Variants in GIGYF2 observed in about 807,000 individuals in gnomAD.
GIGYF2 encodes the protein GRB10 interacting GYF protein 2, also known as GRB10-interacting GYF protein 2.
In GIGYF2, 25 loss-of-function variants were observed where a neutral mutation model predicts 208.1. The ratio of observed to expected loss-of-function variants is 0.12; its 90% CI spans 0.09 to 0.17. The LOEUF (loss-of-function observed/expected upper bound fraction) is 0.17. Among genes scored for constraint, GIGYF2 ranks in the 10% least tolerant of loss-of-function variants. The probability of loss-of-function intolerance (pLI) is 1.00; values close to 1 mark genes in which losing one functional copy is unlikely to be tolerated. For missense variants in GIGYF2, 1,302 were observed against 1,579.4 expected (o/e 0.82, Z 2.98); for synonymous variants, 534 against 543.8 (o/e 0.98, Z 0.25).
intron 1 of GIGYF2, among the ~76,000 whole-genome samples, chr2:232,698,631 G>A (rs1482217467): frequency 6.6e-6 from 1 of 152,204 alleles, no homozygotes; most frequent in Non-Finnish European, 1.5e-5. Context: ...ACTAGTTGGT[G>A]TAGCAGTTTC....
rs775636461 is a variant in GIGYF2, at chr2:232,839,929, C to T, written c.2847C>T (p.Ile949=). ...AGGCCACGCTGTCGTTGGCTGAAAT[C>T]CAAAAACTAGAGGAAGAACGAGAAC... The part of the protein sequence containing the change: ...QSQATLSLAE[I]QKLEEERERQ... Residue 949 remains isoleucine, a synonymous_variant, in exon 23 of 29, where the codon ATC becomes ATT. Coordinates refer to ENST00000373563, the MANE Select transcript of GIGYF2 (RefSeq NM_001103146.3). 2 of 1,613,938 alleles carry T rather than the reference C, an allele frequency of 1.2e-6. No individual in the cohort carries two copies. Among genetic ancestry groups the T allele is most frequent in the East Asian group, 4.5e-5 (2 of 44,878 alleles).
chr2:232,748,592 T>A (rs1043290757), intron 4 of GIGYF2, among the ~76,000 whole-genome samples: 9 of 152,196 alleles, frequency 5.9e-5, no homozygotes, highest in African/African-American at 1.9e-4. Context: ...ACCTCCAGTA[T>A]ACTTTGTTTT....
intron 8 of GIGYF2, among the ~76,000 whole-genome samples, chr2:232,772,869 C>G (rs1270423718): frequency 6.6e-6 from 1 of 152,136 alleles, no homozygotes; most frequent in Non-Finnish European, 1.5e-5. Flanking sequence ...TTCCTAGTTC[C>G]TATATCTCGG....
chr2:232,763,560 C>T (rs113445218), intron 8 of GIGYF2, among the ~76,000 whole-genome samples: 90 of 152,144 alleles, frequency 5.9e-4, no homozygotes, highest in African/African-American at 1.9e-3. Context: ...CACAGTGGCT[C>T]GCACCTGTAA....
intron 26 of GIGYF2, among the ~76,000 whole-genome samples, chr2:232,846,248 G>T (rs1487366441): frequency 6.6e-6 from 1 of 152,212 alleles, no homozygotes. Context: ...CTGGACAAGT[G>T]ATGGCTGAAG....
At chr2:232,807,240 GCCGGGC>G (rs1700587550) in intron 15 of GIGYF2, among the ~76,000 whole-genome samples, 1 of 152,156 alleles carries the variant, frequency 6.6e-6, no homozygotes. Flanking sequence ...TGGAACCATG[GCCGGGC>G]ACATTGGCTC....
At chr2:232,774,118 AAAG>A (rs1699406600) in intron 8 of GIGYF2, among the ~76,000 whole-genome samples, 1 of 151,448 alleles carries the variant, frequency 6.6e-6, no homozygotes, top group South Asian at 2.1e-4. Flanking sequence ...CCTGTCTCTA[AAAG>A]AAAAAAAAAA....
intron 5 of GIGYF2, among the ~76,000 whole-genome samples, chr2:232,750,604 A>G (rs1181017331): frequency 6.6e-6 from 1 of 152,218 alleles, no homozygotes; most frequent in African/African-American, 2.4e-5. Context: ...TGCCTGTAGC[A>G]GTAAACAGTT....
chr2:232,822,258 A>G (rs949139486), intron 21 of GIGYF2, among the ~76,000 whole-genome samples: 18 of 152,240 alleles, frequency 1.2e-4, no homozygotes, highest in Non-Finnish European at 2.9e-5. Context: ...TGAACATGGT[A>G]TAACTTTCCA....
At chr2:232,714,141 C>T (rs1483553651) in intron 2 of GIGYF2, among the ~76,000 whole-genome samples, 2 of 151,958 alleles carry the variant, frequency 1.3e-5, no homozygotes, top group Non-Finnish European at 2.9e-5. Context: ...TTAGTAGAGA[C>T]AGGGTTTCAC....
At chr2:232,804,890 A>T (rs1700512825) in intron 14 of GIGYF2, among the ~76,000 whole-genome samples, 1 of 150,002 alleles carries the variant, frequency 6.7e-6, no homozygotes, top group Admixed American at 6.6e-5. Context: ...TGGGTTTCTA[A>T]GTATTTGGAA....
At chr2:232,750,484 T>C (rs976352629) in intron 5 of GIGYF2, among the ~76,000 whole-genome samples, 1 of 152,356 alleles carries the variant, frequency 6.6e-6, no homozygotes, top group Middle Eastern at 3.4e-3. Context: ...ATTTTCCGCC[T>C]TTTAATACAA....
At chr2:232,759,508 G>A (rs139819853) in intron 6 of GIGYF2, among the ~76,000 whole-genome samples, 7 of 152,232 alleles carry the variant, frequency 4.6e-5, no homozygotes, top group South Asian at 2.1e-4. Flanking sequence ...CCCTAACGGT[G>A]CAGCTATATC....
chr2:232,860,154 A>T lies in GIGYF2; in HGVS notation c.*3294A>T, dbSNP rs1212388338. Reference sequence around the variant, plus strand: ...CTTTATTTTCATTGGCTTTAAGTTGAGGGTTTTTGTTTTTGTTTTTGTATT... The same window carrying T: ...CTTTATTTTCATTGGCTTTAAGTTGTGGGTTTTTGTTTTTGTTTTTGTATT... On this transcript the variant is annotated 3_prime_UTR_variant, in exon 29 of 29. Transcript: ENST00000373563. 1 of 151,874 alleles carries T rather than the reference A, an allele frequency of 6.6e-6. No homozygotes were observed. The highest frequency in any genetic ancestry group is 1.5e-5 in the Non-Finnish European group (1 of 67,984). The allele number at this position is 151,874 out of a possible 1,614,324, so 9.4% of individuals were successfully genotyped here.
chr2:232,741,632 T>C (rs1386176685), intron 3 of GIGYF2, among the ~76,000 whole-genome samples: 1 of 152,018 alleles, frequency 6.6e-6, no homozygotes, highest in Non-Finnish European at 1.5e-5. Flanking sequence ...TTAGTAGAGA[T>C]GGAGCTTTAC....
intron 13 of GIGYF2, among the ~76,000 whole-genome samples, chr2:232,795,728 T>C (rs1700203051): frequency 6.6e-6 from 1 of 152,094 alleles, no homozygotes; most frequent in African/African-American, 2.4e-5. Flanking sequence ...TGAGATCTCA[T>C]CTCTATTAAA....
At chr2:232,831,507 ATG>A (rs1701424591) in intron 21 of GIGYF2, among the ~76,000 whole-genome samples, 1 of 152,182 alleles carries the variant, frequency 6.6e-6, no homozygotes, top group East Asian at 1.9e-4. Context: ...AGCACAGCCT[ATG>A]TGTGTGATGA....
intron 21 of GIGYF2, among the ~76,000 whole-genome samples, chr2:232,820,892 G>A (rs529818281): frequency 1.3e-4 from 20 of 151,752 alleles, no homozygotes; most frequent in South Asian, 4.2e-4. Flanking sequence ...GTGCAGTGGC[G>A]CGATTTTGGC....
intron 2 of GIGYF2, among the ~76,000 whole-genome samples, chr2:232,716,297 AT>A (rs1304442472): frequency 1.3e-5 from 2 of 151,158 alleles, no homozygotes; most frequent in Non-Finnish European, 2.9e-5. Context: ...GTCTTGCTTC[AT>A]TTGAATGTAG....
Sources: gnomAD v4.1 joint callset for allele counts (sites outside exome capture counted in the v4.1 genomes callset) on GRCh38, gnomAD v4.1.1 for gene constraint, MANE v1.5 for transcripts, NCBI Gene and HGNC (gene_info 2026-07-23, HGNC 2026-07-21) for gene names.